Variants in RHEX observed in about 807,000 individuals in gnomAD.
RHEX encodes the protein regulator of hemoglobinization and erythroid cell expansion protein.
A neutral mutation model predicts 20.1 loss-of-function variants in RHEX; 18 were observed. The observed-to-expected ratio is 0.90, with a 90% confidence interval of 0.62 to 1.33. The LOEUF is 1.33. Among genes scored for constraint, RHEX ranks in the 40% most tolerant of loss-of-function variants. RHEX has a pLI of 0.00. For synonymous variants in RHEX, 87 were observed against 77.1 expected (o/e 1.13, Z -0.67); for missense variants, 192 against 214.3 (o/e 0.90, Z 0.65).
intron 1 of RHEX, among the ~76,000 whole-genome samples, chr1:206,070,758 C>G (rs1662509891): frequency 6.6e-6 from 1 of 152,160 alleles, no homozygotes; most frequent in Admixed American, 6.5e-5. Context: ...CCCTTGAATG[C>G]CAGATTCCAG....
At chr1:206,074,980 C>G (rs1474897319) in intron 1 of RHEX, among the ~76,000 whole-genome samples, 1 of 152,240 alleles carries the variant, frequency 6.6e-6, no homozygotes, top group Non-Finnish European at 1.5e-5. Context: ...CAATGCCCCA[C>G]AGGGGGCCAA....
intron 1 of RHEX, 95 bp from the exon 2 acceptor site, chr1:206,097,636 GGC>G (rs1663100162): frequency 2.9e-6 from 2 of 685,672 alleles, no homozygotes; most frequent in Middle Eastern, 2.9e-4. Context: ...GAATAAACTG[GGC>G]ATGTGTCACA....
chr1:206,059,434 A>C lies in RHEX; in HGVS notation c.-97+6169A>C, dbSNP rs137978479. On this transcript the variant is annotated intron_variant, in intron 1 of 5. Transcript: ENST00000331555. ...TTGTGTTCCCAGATGCTATTTATCC[A>C]AGGTGGCTAGTAAATTGCCTTAGTG... Among the ~76,000 whole-genome samples the C allele has an allele frequency of 1.9e-4, 29 of 152,240 alleles. No homozygotes were observed. The East Asian group carries it at 5.4e-3, about 28-fold the overall frequency.
chr1:206,102,307 G>A lies in RHEX; in HGVS notation c.*355G>A, dbSNP rs1663209008. 1 of 228,762 alleles carries A rather than the reference G, an allele frequency of 4.4e-6. No individual in the cohort carries two copies. Among genetic ancestry groups the A allele is most frequent in the South Asian group, 9.2e-5 (1 of 10,878 alleles). 14.2% of individuals were successfully genotyped at this position (228,762 alleles called of 1,614,324 possible). ...GAGATAGTAGTGAAGTCTCTCCCCAGGGAAAATTTTAAAAAGGTTGAATCA... is the reference window on the plus strand; with the variant it reads ...GAGATAGTAGTGAAGTCTCTCCCCAAGGAAAATTTTAAAAAGGTTGAATCA... On this transcript the variant is annotated 3_prime_UTR_variant, in exon 6 of 6. Coordinates refer to ENST00000331555, the MANE Select transcript of RHEX (RefSeq NM_001007544.4).
intron 1 of RHEX, among the ~76,000 whole-genome samples, chr1:206,054,157 T>G (rs1305907648): frequency 6.6e-6 from 1 of 151,282 alleles, no homozygotes; most frequent in Non-Finnish European, 1.5e-5. Context: ...GGAGACAGAA[T>G]TTATGTAAAA....
intron 1 of RHEX, among the ~76,000 whole-genome samples, chr1:206,066,083 C>T (rs943732785): frequency 5.3e-5 from 8 of 152,222 alleles, no homozygotes; most frequent in African/African-American, 1.9e-4. Flanking sequence ...AAATCAGTAC[C>T]TGAGTTTGGG....
At chr1:206,064,205 C>A (rs189876322) in intron 1 of RHEX, among the ~76,000 whole-genome samples, 18 of 146,064 alleles carry the variant, frequency 1.2e-4, no homozygotes, top group Non-Finnish European at 2.7e-4. Context: ...GCAGCCGCCC[C>A]GTCTGGGAAG....
At chr1:206,064,273 C>T (rs1553283813) in intron 1 of RHEX, among the ~76,000 whole-genome samples, 6 of 145,850 alleles carry the variant, frequency 4.1e-5, no homozygotes, top group Non-Finnish European at 7.5e-5. Flanking sequence ...GGGGGGTCAG[C>T]CCCCCGCCCG....
chr1:206,074,675 A>G (rs1449635137), intron 1 of RHEX, among the ~76,000 whole-genome samples: 2 of 152,164 alleles, frequency 1.3e-5, no homozygotes, highest in Admixed American at 6.5e-5. Flanking sequence ...ATATTATTAC[A>G]GGTTCGGTAC....
intron 1 of RHEX, among the ~76,000 whole-genome samples, chr1:206,068,429 A>C (rs782083845): frequency 1.3e-5 from 2 of 152,222 alleles, no homozygotes; most frequent in African/African-American, 4.8e-5. Flanking sequence ...GAACACAGAC[A>C]TGCCTTATAG....
chr1:206,101,619 A>G, intron 5 of RHEX, 133 bp from the exon 6 acceptor site: 1 of 681,250 alleles, frequency 1.5e-6, no homozygotes, highest in Non-Finnish European at 2.5e-6. Context: ...GCTCCCAGAC[A>G]CAGCTATTTG....
chr1:206,078,514 T>C (rs1047933501), intron 1 of RHEX, among the ~76,000 whole-genome samples: 4 of 152,162 alleles, frequency 2.6e-5, no homozygotes, highest in Admixed American at 2.6e-4. Flanking sequence ...CGAGCCATGA[T>C]CATGCCACTG....
At chr1:206,061,357 A>C (rs1279394094) in intron 1 of RHEX, 1 of 152,176 alleles carries the variant, frequency 6.6e-6, no homozygotes, top group Non-Finnish European at 1.5e-5. Flanking sequence ...CTATTTAAGA[A>C]ACAACTGAGG....
intron 5 of RHEX, 75 bp downstream of exon 5, chr1:206,101,272 A>C: frequency 5.6e-5 from 66 of 1,180,992 alleles, no homozygotes; most frequent in Non-Finnish European, 7.7e-5. Flanking sequence ...CTGAAAACTC[A>C]AGTTACCCCA....
At chr1:206,068,314 G>A (rs1468898205) in intron 1 of RHEX, among the ~76,000 whole-genome samples, 1 of 152,154 alleles carries the variant, frequency 6.6e-6, no homozygotes, top group Non-Finnish European at 1.5e-5. Flanking sequence ...TTGGGGTAGG[G>A]TGGAGGGGGC....
At chr1:206,072,699 C>G (rs1358107541) in intron 1 of RHEX, among the ~76,000 whole-genome samples, 1 of 152,092 alleles carries the variant, frequency 6.6e-6, no homozygotes, top group Non-Finnish European at 1.5e-5. Context: ...CCAGCATGTC[C>G]CCTGAAACAC....
chr1:206,081,443 T>G (rs1478714595), intron 1 of RHEX, among the ~76,000 whole-genome samples: 4 of 151,948 alleles, frequency 2.6e-5, no homozygotes, highest in Non-Finnish European at 1.5e-5. Flanking sequence ...ATTCTTACAA[T>G]GAGATATAAG....
chr1:206,061,227 A>G (rs538589629), intron 1 of RHEX: 3 of 152,342 alleles, frequency 2.0e-5, no homozygotes, highest in Admixed American at 6.5e-5. Flanking sequence ...CAGAGGCCCA[A>G]TGGGCTGAGT....
chr1:206,094,429 C>T (rs1005667381), intron 1 of RHEX, among the ~76,000 whole-genome samples: 4 of 152,164 alleles, frequency 2.6e-5, no homozygotes, highest in Non-Finnish European at 5.9e-5. Flanking sequence ...TAGTCACCAT[C>T]GTGGTGGAGG....
Sources: gnomAD v4.1 joint callset for allele counts (sites outside exome capture counted in the v4.1 genomes callset) on GRCh38, gnomAD v4.1.1 for gene constraint, MANE v1.5 for transcripts, NCBI Gene and HGNC (gene_info 2026-07-23, HGNC 2026-07-21) for gene names.